R3HDM2: variants seen among roughly 807,000 people sequenced by gnomAD.
R3HDM2 encodes R3H domain-containing protein 2.
In R3HDM2, 38 loss-of-function variants were observed where a neutral mutation model predicts 124.5. That is an observed-to-expected ratio of 0.31 (90% confidence interval 0.24 to 0.40). R3HDM2 has a LOEUF of 0.40. Ranked by LOEUF, R3HDM2 falls within the 10% of genes least tolerant of loss-of-function variation. The pLI, the probability that R3HDM2 is intolerant of heterozygous loss-of-function variation, is 1.00. For synonymous variants in R3HDM2, 391 were observed against 448.0 expected (o/e 0.87, Z 1.61); for missense variants, 869 against 1,236.9 (o/e 0.70, Z 4.46).
At chr12:57,291,425 G>A (rs1341139017) in intron 11 of R3HDM2, among the ~76,000 whole-genome samples, 6 of 151,850 alleles carry the variant, frequency 4.0e-5, no homozygotes, top group African/African-American at 9.7e-5. Flanking sequence ...AGGCTGTGGC[G>A]GAAGGATCAC....
At chr12:57,349,329 G>A (rs1300544510) in intron 2 of R3HDM2, among the ~76,000 whole-genome samples, 5 of 128,666 alleles carry the variant, frequency 3.9e-5, no homozygotes, top group Non-Finnish European at 7.7e-5. Context: ...GCAGTGAGCC[G>A]AGATCTCGCC....
At chr12:57,417,539 T>C (rs1192729557) in intron 1 of R3HDM2, among the ~76,000 whole-genome samples, 1 of 152,216 alleles carries the variant, frequency 6.6e-6, no homozygotes, top group Admixed American at 6.5e-5. Context: ...ATTCTGAGGA[T>C]TAAATGATCT....
intron 2 of R3HDM2, among the ~76,000 whole-genome samples, chr12:57,386,159 G>GCAGCCCTCA (rs1555304960): frequency 0.09 from 13,770 of 152,280 alleles, 867 homozygotes; most frequent in Non-Finnish European, 0.13. Context: ...GGCAGCGCTC[G>GCAGCCCTCA]CAGCCCTCCC....
intron 1 of R3HDM2, among the ~76,000 whole-genome samples, chr12:57,417,399 AAG>A (rs1454673944): frequency 2.0e-5 from 3 of 151,898 alleles, no homozygotes; most frequent in African/African-American, 4.8e-5. Flanking sequence ...AAAAAAAAAA[AAG>A]AGAGAGACTT....
chr12:57,399,966 G>A (rs1007980674), intron 1 of R3HDM2, among the ~76,000 whole-genome samples: 5 of 152,196 alleles, frequency 3.3e-5, no homozygotes, highest in African/African-American at 9.7e-5. Context: ...ACAAGTCACT[G>A]ACTTGCCAAA....
At chr12:57,329,533 C>T (rs1258873280) in intron 2 of R3HDM2, among the ~76,000 whole-genome samples, 2 of 152,160 alleles carry the variant, frequency 1.3e-5, no homozygotes, top group African/African-American at 4.8e-5. Context: ...TACTAGTTCC[C>T]CCTAATCATT....
intron 2 of R3HDM2, among the ~76,000 whole-genome samples, chr12:57,370,262 T>C (rs779040539): frequency 1.3e-5 from 2 of 152,140 alleles, no homozygotes; most frequent in African/African-American, 2.4e-5. Context: ...CGCGAAGACA[T>C]ACATGCCTGC....
intron 2 of R3HDM2, among the ~76,000 whole-genome samples, chr12:57,365,124 C>T (rs2062468732): frequency 6.6e-6 from 1 of 151,266 alleles, no homozygotes; most frequent in Non-Finnish European, 1.5e-5. Context: ...ACTAGCTGGT[C>T]AAGGTGGCGC....
At chr12:57,367,543 T>TC (rs1181326767) in intron 2 of R3HDM2, among the ~76,000 whole-genome samples, 2 of 152,164 alleles carry the variant, frequency 1.3e-5, no homozygotes, top group Non-Finnish European at 2.9e-5. Context: ...TACCTCTGTC[T>TC]CCTCAATTCA....
chr12:57,299,044 AGGATTTG>A (rs1350016607), intron 6 of R3HDM2, among the ~76,000 whole-genome samples: 1 of 152,222 alleles, frequency 6.6e-6, no homozygotes, highest in East Asian at 1.9e-4. Context: ...TGGCATCTGG[AGGATTTG>A]CTACCCAATG....
chr12:57,417,573 C>T (rs951825699), intron 1 of R3HDM2, among the ~76,000 whole-genome samples: 1 of 152,140 alleles, frequency 6.6e-6, no homozygotes, highest in African/African-American at 2.4e-5. Flanking sequence ...TGTTACTATA[C>T]TCCCATGACA....
At chr12:57,401,699 T>C (rs745589098) in intron 1 of R3HDM2, among the ~76,000 whole-genome samples, 2 of 152,224 alleles carry the variant, frequency 1.3e-5, no homozygotes, top group Non-Finnish European at 2.9e-5. Flanking sequence ...TTAAAGACTA[T>C]TCTGCCAGGC....
chr12:57,408,785 G>A (rs1022243267), intron 1 of R3HDM2, among the ~76,000 whole-genome samples: 2 of 151,268 alleles, frequency 1.3e-5, no homozygotes, highest in East Asian at 1.9e-4. Flanking sequence ...CCACCCTCAT[G>A]AGGGGATTAA....
chr12:57,264,125 C>T (rs879849680), intron 19 of R3HDM2, among the ~76,000 whole-genome samples: 5 of 151,644 alleles, frequency 3.3e-5, no homozygotes, highest in Non-Finnish European at 7.4e-5. Context: ...GCCTGTAATC[C>T]CAGCTACTTG....
At chr12:57,397,687 C>T (rs575789787) in intron 1 of R3HDM2, among the ~76,000 whole-genome samples, 34 of 152,208 alleles carry the variant, frequency 2.2e-4, no homozygotes, top group African/African-American at 7.9e-4. Flanking sequence ...CTTGTTCCCC[C>T]CTATGCAAAA....
chr12:57,332,202 G>T (rs1330237842), intron 2 of R3HDM2, among the ~76,000 whole-genome samples: 1 of 151,786 alleles, frequency 6.6e-6, no homozygotes, highest in Non-Finnish European at 1.5e-5. Context: ...TTGAGCCTAG[G>T]ATTTTGAGAC....
At chr12:57,346,422 C>T (rs1372450169) in intron 2 of R3HDM2, among the ~76,000 whole-genome samples, 1 of 152,030 alleles carries the variant, frequency 6.6e-6, no homozygotes, top group Non-Finnish European at 1.5e-5. Flanking sequence ...CGTGCCATTG[C>T]ACTCCAGCCT....
At chr12:57,268,820 C>A in intron 17 of R3HDM2, 102 bp downstream of exon 17, 1 of 1,374,790 alleles carries the variant, frequency 7.3e-7, no homozygotes. Flanking sequence ...AAAGTAGACA[C>A]TATTTTAGTA....
chr12:57,289,966 C>T (rs2048252754), intron 11 of R3HDM2, among the ~76,000 whole-genome samples: 1 of 152,182 alleles, frequency 6.6e-6, no homozygotes. Context: ...CTTGTCTAGA[C>T]TTTCTGAGAT....
Sources: gnomAD v4.1 joint callset for allele counts (sites outside exome capture counted in the v4.1 genomes callset) on GRCh38, gnomAD v4.1.1 for gene constraint, MANE v1.5 for transcripts, NCBI Gene and HGNC (gene_info 2026-07-23, HGNC 2026-07-21) for gene names.